The following FNDC3B variants were observed in gnomAD, a reference collection of about 807,000 sequenced individuals.
FNDC3B encodes fibronectin type III domain-containing protein 3B.
In FNDC3B, 12 loss-of-function variants were observed where a neutral mutation model predicts 151.5. That is an observed-to-expected ratio of 0.08 (90% CI 0.05 to 0.13). FNDC3B has a LOEUF of 0.13. Ranked by LOEUF, FNDC3B falls within the 10% of genes least tolerant of loss-of-function variation. The pLI, the probability that FNDC3B is intolerant of heterozygous loss-of-function variation, is 1.00. For synonymous variants in FNDC3B, 528 were observed against 549.0 expected (o/e 0.96, Z 0.54); for missense variants, 1,214 against 1,505.3 (o/e 0.81, Z 3.20).
intron 6 of FNDC3B, among the ~76,000 whole-genome samples, chr3:172,261,995 G>T (rs892204664): frequency 3.3e-5 from 5 of 152,146 alleles, no homozygotes; most frequent in African/African-American, 1.2e-4. Context: ...AAAGAGAATT[G>T]TGATGGTTCA....
intron 25 of FNDC3B, among the ~76,000 whole-genome samples, chr3:172,392,958 C>T (rs1432589117): frequency 6.6e-6 from 1 of 151,630 alleles, no homozygotes; most frequent in Non-Finnish European, 1.5e-5. Context: ...ATATGCCACC[C>T]TACCTGGCTA....
At chr3:172,158,288 A>G (rs547676662) in intron 3 of FNDC3B, among the ~76,000 whole-genome samples, 15 of 152,292 alleles carry the variant, frequency 9.8e-5, no homozygotes, top group African/African-American at 3.1e-4. Flanking sequence ...GAGTGGTTGT[A>G]CTATTTTATG....
chr3:172,273,373 A>T (rs1336587242), intron 6 of FNDC3B, among the ~76,000 whole-genome samples: 6 of 152,164 alleles, frequency 3.9e-5, no homozygotes, highest in Non-Finnish European at 8.8e-5. Flanking sequence ...ATAGAAAAAA[A>T]GTCCCCTAAA....
At chr3:172,127,004 G>T in intron 2 of FNDC3B, 1 of 456,702 alleles carries the variant, frequency 2.2e-6, no homozygotes, top group Non-Finnish European at 4.4e-6. Context: ...TGCATTGGGA[G>T]GTGAGCCCTT....
chr3:172,229,506 G>T (rs985098565), intron 4 of FNDC3B, among the ~76,000 whole-genome samples: 38 of 152,152 alleles, frequency 2.5e-4, no homozygotes, highest in African/African-American at 8.9e-4. Flanking sequence ...TCTTTTTGGT[G>T]CCCCTCCTCA....
chr3:172,175,445 G>T (rs756942239), intron 3 of FNDC3B, among the ~76,000 whole-genome samples: 3 of 152,110 alleles, frequency 2.0e-5, no homozygotes, highest in Non-Finnish European at 4.4e-5. Flanking sequence ...TTCACCTCTT[G>T]TTTTCTTTTT....
At chr3:172,170,459 A>G (rs1723230109) in intron 3 of FNDC3B, among the ~76,000 whole-genome samples, 1 of 152,252 alleles carries the variant, frequency 6.6e-6, no homozygotes, top group South Asian at 2.1e-4. Context: ...CTGAATTTGC[A>G]AGCAATGTAT....
chr3:172,044,162 A>G (rs931928094), intron 1 of FNDC3B, among the ~76,000 whole-genome samples: 1 of 152,204 alleles, frequency 6.6e-6, no homozygotes, highest in Non-Finnish European at 1.5e-5. Context: ...CCGATGGCAG[A>G]TGTTCAAATC....
chr3:172,197,267 A>T (rs902394922), intron 3 of FNDC3B, among the ~76,000 whole-genome samples: 1 of 152,216 alleles, frequency 6.6e-6, no homozygotes, highest in African/African-American at 2.4e-5. Context: ...AATTGTTACA[A>T]ATACGGTGCA....
intron 1 of FNDC3B, among the ~76,000 whole-genome samples, chr3:172,052,855 C>A (rs73037193): frequency 6.6e-6 from 1 of 152,092 alleles, no homozygotes; most frequent in South Asian, 2.1e-4. Context: ...TTAAAGGACT[C>A]CAGTTAGGAG....
intron 4 of FNDC3B, among the ~76,000 whole-genome samples, chr3:172,243,024 C>G (rs1183566703): frequency 2.6e-5 from 4 of 152,174 alleles, no homozygotes; most frequent in African/African-American, 7.2e-5. Context: ...AGGGCAGAGA[C>G]AGAATGCTGC....
intron 3 of FNDC3B, among the ~76,000 whole-genome samples, chr3:172,218,488 G>T (rs1440108505): frequency 6.6e-6 from 1 of 152,180 alleles, no homozygotes; most frequent in African/African-American, 2.4e-5. Context: ...CTAAGAAACT[G>T]TGTAACTCAT....
intron 1 of FNDC3B, among the ~76,000 whole-genome samples, chr3:172,076,843 G>T (rs1441041500): frequency 6.6e-6 from 1 of 152,102 alleles, no homozygotes; most frequent in Non-Finnish European, 1.5e-5. Context: ...AACTTTTCCT[G>T]GGGTGACTTT....
chr3:172,212,689 T>G (rs75842735), intron 3 of FNDC3B, among the ~76,000 whole-genome samples: 5 of 152,174 alleles, frequency 3.3e-5, no homozygotes, highest in Admixed American at 1.3e-4. Flanking sequence ...GCACAGAAAT[T>G]ATCAGGTTTC....
At chr3:172,130,096 C>T (rs1210587331) in intron 2 of FNDC3B, among the ~76,000 whole-genome samples, 5 of 152,040 alleles carry the variant, frequency 3.3e-5, no homozygotes, top group Non-Finnish European at 7.4e-5. Flanking sequence ...CTCGGGGCTG[C>T]GTGATGCAAG....
intron 3 of FNDC3B, among the ~76,000 whole-genome samples, chr3:172,141,651 A>G (rs1222366400): frequency 6.6e-6 from 1 of 152,044 alleles, no homozygotes; most frequent in Non-Finnish European, 1.5e-5. Flanking sequence ...AGCCTGGCCA[A>G]CATGGTGAAA....
At chr3:172,075,604 C>A (rs1717969114) in intron 1 of FNDC3B, among the ~76,000 whole-genome samples, 2 of 152,006 alleles carry the variant, frequency 1.3e-5, no homozygotes, top group Admixed American at 1.3e-4. Flanking sequence ...TGAAACATGT[C>A]TCATTTTTAT....
In FNDC3B at chr3:172,397,992, C is replaced by T. The variant is rs972875244; in HGVS notation, c.*517C>T. 4.6e-5 allele frequency: 7 copies of T among 152,548 alleles called. No homozygotes were observed. The highest frequency in any genetic ancestry group is 1.7e-4 in the African/African-American group (7 of 41,468). The allele number at this position is 152,548 out of a possible 1,614,324, so 9.4% of individuals were successfully genotyped here. Reference sequence around the variant, plus strand: ...TTCACTCAGATAAGACTGCCCTAAACAACCATTTTGTCACTCAGTTATTTA... The same window carrying T: ...TTCACTCAGATAAGACTGCCCTAAATAACCATTTTGTCACTCAGTTATTTA... On this transcript the variant is annotated 3_prime_UTR_variant, in exon 26 of 26. Coordinates refer to ENST00000415807, the MANE Select transcript of FNDC3B (RefSeq NM_022763.4).
intron 25 of FNDC3B, 68 bp downstream of exon 25, chr3:172,381,161 A>G (rs975279132): frequency 3.9e-6 from 6 of 1,556,130 alleles, no homozygotes; most frequent in Middle Eastern, 1.7e-4. Flanking sequence ...GCTTATTGCT[A>G]TGAATGACTC....
Sources: gnomAD v4.1 joint callset for allele counts (sites outside exome capture counted in the v4.1 genomes callset) on GRCh38, gnomAD v4.1.1 for gene constraint, MANE v1.5 for transcripts, NCBI Gene and HGNC (gene_info 2026-07-23, HGNC 2026-07-21) for gene names.